Variants in EIF2B3 observed in about 807,000 individuals in gnomAD.
The protein encoded by EIF2B3 is translation initiation factor eIF2B subunit gamma.
EIF2B3 carries 20 observed loss-of-function variants against 54.1 expected under a neutral mutation model. That is an observed-to-expected ratio of 0.37 (90% CI 0.26 to 0.54). EIF2B3 has a LOEUF of 0.54. Among genes scored for constraint, EIF2B3 ranks in the 20% least tolerant of loss-of-function variants. EIF2B3 has a pLI of 0.86. For missense variants in EIF2B3, 448 were observed against 547.8 expected (o/e 0.82, Z 1.82); for synonymous variants, 153 against 188.1 (o/e 0.81, Z 1.52).
intron 3 of EIF2B3, among the ~76,000 whole-genome samples, chr1:44,960,530 T>C (rs1644274140): frequency 1.3e-5 from 2 of 151,896 alleles, no homozygotes; most frequent in Non-Finnish European, 2.9e-5. Flanking sequence ...TCCCAGCTAC[T>C]CCGGAGGCTG....
chr1:44,933,330 G>C (rs1480393516), intron 4 of EIF2B3, among the ~76,000 whole-genome samples: 3 of 152,070 alleles, frequency 2.0e-5, no homozygotes, highest in African/African-American at 7.2e-5. Flanking sequence ...ACTATATTAG[G>C]AAATTGGGCC....
chr1:44,956,017 T>C (rs1339140919), intron 3 of EIF2B3, among the ~76,000 whole-genome samples: 1 of 152,186 alleles, frequency 6.6e-6, no homozygotes, highest in Non-Finnish European at 1.5e-5. Flanking sequence ...TTACTGGGTA[T>C]ATACCCAAAG....
At chr1:44,865,296 A>G (rs1441043552) in intron 10 of EIF2B3, among the ~76,000 whole-genome samples, 2 of 150,656 alleles carry the variant, frequency 1.3e-5, no homozygotes, top group Admixed American at 6.6e-5. Flanking sequence ...TCAGTTCTGC[A>G]TGCCTTGGTA....
At chr1:44,932,515 G>A (rs1643905330) in intron 4 of EIF2B3, 1 of 152,138 alleles carries the variant, frequency 6.6e-6, no homozygotes, top group Non-Finnish European at 1.5e-5. Flanking sequence ...CTCATAAAGA[G>A]ACCTAATACA....
At chr1:44,853,910 T>C (rs1302419019) in intron 11 of EIF2B3, among the ~76,000 whole-genome samples, 1 of 152,060 alleles carries the variant, frequency 6.6e-6, no homozygotes, top group Non-Finnish European at 1.5e-5. Context: ...AAAGAACTGA[T>C]CACTCTGGCC....
intron 11 of EIF2B3, among the ~76,000 whole-genome samples, chr1:44,852,115 ATTTT>A (rs34314171): frequency 7.5e-6 from 1 of 133,278 alleles, no homozygotes; most frequent in African/African-American, 2.8e-5. Context: ...CACATGGCTA[ATTTT>A]TTTTTTTTTT....
At chr1:44,877,198 A>C (rs76482481) in intron 8 of EIF2B3, among the ~76,000 whole-genome samples, 26,569 of 140,884 alleles carry the variant, frequency 0.19, 3,520 homozygotes, top group Admixed American at 0.29. Context: ...TCAATAAAAA[A>C]AAAAAAAAAA....
intron 3 of EIF2B3, among the ~76,000 whole-genome samples, chr1:44,945,511 G>A (rs1644091088): frequency 6.8e-6 from 1 of 147,974 alleles, no homozygotes; most frequent in African/African-American, 2.5e-5. Context: ...CCGAGATCGC[G>A]CCACTGCACT....
chr1:44,856,897 C>CA (rs1191767891), intron 11 of EIF2B3, among the ~76,000 whole-genome samples: 1 of 152,176 alleles, frequency 6.6e-6, no homozygotes, highest in Non-Finnish European at 1.5e-5. Flanking sequence ...CTTGACCTCT[C>CA]AGGCTCAAGC....
At chr1:44,952,602 G>T (rs1392073582) in intron 3 of EIF2B3, among the ~76,000 whole-genome samples, 1 of 146,502 alleles carries the variant, frequency 6.8e-6, no homozygotes, top group Admixed American at 7.0e-5. Context: ...ACCCAGGCTA[G>T]AGTGCAGTGG....
chr1:44,969,863 A>G (rs952150804), intron 3 of EIF2B3: 2 of 152,236 alleles, frequency 1.3e-5, no homozygotes, highest in Non-Finnish European at 2.9e-5. Context: ...ATGAGTTTAG[A>G]CATAGATAAG....
intron 5 of EIF2B3, among the ~76,000 whole-genome samples, chr1:44,911,336 A>G (rs1487241414): frequency 6.6e-6 from 1 of 152,198 alleles, no homozygotes; most frequent in African/African-American, 2.4e-5. Context: ...AAGAACAAGG[A>G]AAAAAATCTG....
chr1:44,870,988 C>T (rs990306128), intron 10 of EIF2B3, among the ~76,000 whole-genome samples: 2 of 152,180 alleles, frequency 1.3e-5, no homozygotes, highest in Non-Finnish European at 2.9e-5. Context: ...CAAATTCGTA[C>T]TTCAAGCACA....
At chr1:44,869,926 C>T (rs928768562) in intron 10 of EIF2B3, among the ~76,000 whole-genome samples, 1 of 151,990 alleles carries the variant, frequency 6.6e-6, no homozygotes, top group Non-Finnish European at 1.5e-5. Context: ...TTGGAGAACA[C>T]CACAATATGG....
In EIF2B3 at chr1:44,929,723, C is replaced by G. The variant is rs530110861; in HGVS notation, c.455-2984G>C. 5.6e-4 allele frequency among the ~76,000 whole-genome samples: 85 copies of G among 152,330 alleles called. 1 individual carries two copies. The Middle Eastern group carries it at 0.017, about 30-fold the overall frequency. The stretch of plus-strand genomic sequence containing the variant: ...TATAATTTGGAATGCTTCCCCTACT[C>G]AAGTCCTAAGGCTCACAGAAACCTT... On this transcript the variant is annotated intron_variant, in intron 4 of 11. Coordinates refer to ENST00000360403, the MANE Select transcript of EIF2B3 (RefSeq NM_020365.5).
At chr1:44,928,127 G>A (rs1278802270) in intron 4 of EIF2B3, among the ~76,000 whole-genome samples, 4 of 151,988 alleles carry the variant, frequency 2.6e-5, no homozygotes, top group South Asian at 2.1e-4. Flanking sequence ...ACTCCAGCTC[G>A]GGTGACAGAC....
chr1:44,912,109 T>C (rs1421964638), intron 5 of EIF2B3, among the ~76,000 whole-genome samples: 7 of 152,096 alleles, frequency 4.6e-5, no homozygotes, highest in Admixed American at 1.3e-4. Context: ...TCTATCATTG[T>C]TGGACATTTG....
chr1:44,965,173 C>T (rs1342736243), intron 3 of EIF2B3, among the ~76,000 whole-genome samples: 1 of 152,174 alleles, frequency 6.6e-6, no homozygotes, highest in Non-Finnish European at 1.5e-5. Flanking sequence ...GATCAACAAG[C>T]AATAGCTGCA....
chr1:44,973,020 G>A (rs889580651), intron 3 of EIF2B3, among the ~76,000 whole-genome samples: 5 of 152,134 alleles, frequency 3.3e-5, no homozygotes, highest in African/African-American at 1.2e-4. Context: ...CAACCTGGAT[G>A]TCAGAACGAA....
Sources: gnomAD v4.1 joint callset for allele counts (sites outside exome capture counted in the v4.1 genomes callset) on GRCh38, gnomAD v4.1.1 for gene constraint, MANE v1.5 for transcripts, NCBI Gene and HGNC (gene_info 2026-07-23, HGNC 2026-07-21) for gene names.